The following DCAF6 variants were observed in gnomAD, a reference collection of about 807,000 sequenced individuals.
The protein encoded by DCAF6 is DDB1- and CUL4-associated factor 6.
DCAF6 carries 54 observed loss-of-function variants against 125.1 expected under a neutral mutation model. The observed-to-expected ratio is 0.43, with a 90% CI of 0.35 to 0.54. The LOEUF (loss-of-function observed/expected upper bound fraction) is 0.54, where lower values mean the gene tolerates loss of function less well. Among genes scored for constraint, DCAF6 ranks in the 20% least tolerant of loss-of-function variants. DCAF6 has a pLI of 0.01. For missense variants in DCAF6, 934 were observed against 1,161.7 expected, an observed-to-expected ratio of 0.80 and a Z score of 2.85; for synonymous variants, 371 against 390.4, an observed-to-expected ratio of 0.95 and a Z score of 0.58.
intron 10 of DCAF6, 100 bp downstream of exon 10, chr1:168,004,893 G>T: frequency 1.5e-6 from 2 of 1,299,318 alleles, no homozygotes; most frequent in Non-Finnish European, 2.1e-6. Context: ...ACTTCTTGTT[G>T]GAATAAATGA....
chr1:167,986,574 G>A (rs1326256681), intron 4 of DCAF6, among the ~76,000 whole-genome samples: 1 of 152,212 alleles, frequency 6.6e-6, no homozygotes, highest in East Asian at 1.9e-4. Context: ...ATGGTTTTGG[G>A]TTTAAAACTG....
At chr1:167,880,536 C>T in the DCAF6 span, 6 of 1,614,166 alleles carry the variant, frequency 3.7e-6, no homozygotes, top group Non-Finnish European at 5.1e-6. Context: ...ATCCATAGCA[C>T]ATTCCAGAGC....
chr1:167,965,626 C>T (rs1676277891), intron 2 of DCAF6, among the ~76,000 whole-genome samples: 1 of 151,990 alleles, frequency 6.6e-6, no homozygotes, highest in Non-Finnish European at 1.5e-5. Flanking sequence ...ACTGGGTTCC[C>T]TGGAGTTTTT....
At chr1:168,070,367 A>G (rs767256121) in intron 21 of DCAF6, among the ~76,000 whole-genome samples, 9 of 152,106 alleles carry the variant, frequency 5.9e-5, no homozygotes, top group Non-Finnish European at 1.0e-4. Context: ...CTGCAGTCCA[A>G]ATACAATAAT....
chr1:168,072,321 A>AAAAAAAG (rs1693200024), intron 21 of DCAF6, among the ~76,000 whole-genome samples: 1 of 146,286 alleles, frequency 6.8e-6, no homozygotes, highest in African/African-American at 2.6e-5. Context: ...AAAAAAAAAA[A>AAAAAAAG]AAAAGAAAAG....
At chr1:167,947,266 G>C (rs912950457) in intron 1 of DCAF6, among the ~76,000 whole-genome samples, 2 of 149,850 alleles carry the variant, frequency 1.3e-5, no homozygotes, top group African/African-American at 4.9e-5. Context: ...TTCTTTTCTT[G>C]GTTAGTCTGG....
At chr1:168,072,477 T>TACAGATTA (rs1693242091) in intron 21 of DCAF6, among the ~76,000 whole-genome samples, 1 of 152,140 alleles carries the variant, frequency 6.6e-6, no homozygotes, top group Non-Finnish European at 1.5e-5. Flanking sequence ...ATTGTCTTAT[T>TACAGATTA]ACAGATTAGA....
chr1:167,955,828 A>G (rs914926967), intron 2 of DCAF6, among the ~76,000 whole-genome samples: 1 of 152,148 alleles, frequency 6.6e-6, no homozygotes, highest in African/African-American at 2.4e-5. Flanking sequence ...TGGCACAATC[A>G]TAGCTCACTA....
intron 6 of DCAF6, among the ~76,000 whole-genome samples, chr1:167,991,902 G>C (rs1162318279): frequency 6.6e-6 from 1 of 152,036 alleles, no homozygotes; most frequent in Non-Finnish European, 1.5e-5. Context: ...GATTAGGTGG[G>C]CCCTAATCCA....
the DCAF6 span, chr1:167,917,597 C>CAAAAAAA: frequency 1.3e-5 from 1 of 79,834 alleles, no homozygotes; most frequent in Non-Finnish European, 2.4e-5. Context: ...GACCCTGTCT[C>CAAAAAAA]AAAAAAAAAA....
At chr1:168,038,568 C>A in intron 13 of DCAF6, 80 bp downstream of exon 13, 1 of 1,025,288 alleles carries the variant, frequency 9.8e-7, no homozygotes, top group Non-Finnish European at 1.4e-6. Flanking sequence ...ACTTCGTCAT[C>A]TTTATGTTTT....
chr1:167,968,536 A>G (rs372582835), intron 3 of DCAF6: 4 of 152,300 alleles, frequency 2.6e-5, no homozygotes, highest in African/African-American at 9.7e-5. Flanking sequence ...CATCAGAGGT[A>G]GTATGCTACA....
intron 12 of DCAF6, among the ~76,000 whole-genome samples, chr1:168,026,887 T>C (rs1447476488): frequency 6.6e-6 from 1 of 151,884 alleles, no homozygotes; most frequent in South Asian, 2.1e-4. Flanking sequence ...GATGAGATTG[T>C]CTAGAAAAAG....
intron 10 of DCAF6, among the ~76,000 whole-genome samples, chr1:168,010,609 C>T (rs1684152373): frequency 6.6e-6 from 1 of 151,506 alleles, no homozygotes; most frequent in African/African-American, 2.4e-5. Context: ...ATCTTCTTTT[C>T]TTGAACATTT....
chr1:167,993,515 C>T lies in DCAF6; in HGVS notation c.903+75C>T, dbSNP rs111654785. On this transcript the variant is annotated intron_variant, in intron 7 of 21. Coordinates refer to ENST00000367840, the MANE Select transcript of DCAF6 (RefSeq NM_001198956.2). The stretch of plus-strand genomic sequence containing the variant: ...CTGTAATCCCAGCGCTTTGGGAGGC[C>T]GAGGTGGGTGGATCACCTGCGGTTG... The T allele has an allele frequency of 1.8e-3, 2,173 of 1,237,790 alleles. 26 individuals are homozygous for T. The African/African-American group carries it at 0.028, about 16-fold the overall frequency. 76.7% of individuals were successfully genotyped at this position (1,237,790 alleles called of 1,614,324 possible). A position where few individuals can be genotyped will look rare whatever the true frequency, so the allele number is the denominator to read the frequency against.
chr1:168,024,873 A>G (rs190583134), intron 12 of DCAF6, among the ~76,000 whole-genome samples: 15 of 151,434 alleles, frequency 9.9e-5, no homozygotes, highest in African/African-American at 3.4e-4. Flanking sequence ...ATTACTCCTT[A>G]TGGACCTTAG....
the DCAF6 span, among the ~76,000 whole-genome samples, chr1:167,926,234 T>C: frequency 2.7e-4 from 41 of 152,226 alleles, no homozygotes; most frequent in African/African-American, 9.9e-4. Flanking sequence ...CTGAAACAGC[T>C]GGTGAGAGAA....
intron 4 of DCAF6, among the ~76,000 whole-genome samples, chr1:167,982,518 G>A (rs1347874769): frequency 6.6e-6 from 1 of 152,152 alleles, no homozygotes; most frequent in African/African-American, 2.4e-5. Flanking sequence ...TGAGATTACA[G>A]GCATGACATT....
chr1:168,038,291 T>G (rs935559530), intron 12 of DCAF6, 80 bp from the exon 13 acceptor site: 1 of 1,025,784 alleles, frequency 9.7e-7, no homozygotes, highest in African/African-American at 1.6e-5. Context: ...CAACCTAATA[T>G]AAGTTTTATA....
Sources: gnomAD v4.1 joint callset for allele counts (sites outside exome capture counted in the v4.1 genomes callset) on GRCh38, gnomAD v4.1.1 for gene constraint, MANE v1.5 for transcripts, NCBI Gene and HGNC (gene_info 2026-07-23, HGNC 2026-07-21) for gene names.